RALGAPA2: variants seen among roughly 807,000 people sequenced by gnomAD.
RALGAPA2 encodes the protein ral GTPase-activating protein subunit alpha-2.
Under a neutral mutation model 230.4 loss-of-function variants are expected in RALGAPA2, and 139 were observed. The ratio of observed to expected loss-of-function variants is 0.60; its 90% CI spans 0.53 to 0.69. The LOEUF is 0.69. Among genes scored for constraint, RALGAPA2 ranks in the 30% least tolerant of loss-of-function variants. The pLI, the probability that RALGAPA2 is intolerant of heterozygous loss-of-function variation, is 0.00. For synonymous variants in RALGAPA2, 847 were observed against 837.8 expected, an observed-to-expected ratio of 1.01 and a Z score of -0.19; for missense variants, 2,163 against 2,276.0, an observed-to-expected ratio of 0.95 and a Z score of 1.01.
intron 37 of RALGAPA2, among the ~76,000 whole-genome samples, chr20:20,428,030 A>G (rs2060422536): frequency 6.6e-6 from 1 of 152,238 alleles, no homozygotes; most frequent in Non-Finnish European, 1.5e-5. Context: ...TTCTCTCATA[A>G]TAACACATGC....
chr20:20,393,093 A>T lies in RALGAPA2; in HGVS notation c.*196T>A, dbSNP rs763170612. 1 of 1,353,264 alleles carries T rather than the reference A, an allele frequency of 7.4e-7. No individual in the cohort carries two copies. Among genetic ancestry groups the T allele is most frequent in the South Asian group, 1.2e-5 (1 of 85,002 alleles). The allele number at this position is 1,353,264 out of a possible 1,614,324, so 83.8% of individuals were successfully genotyped here. A position where few individuals can be genotyped will look rare whatever the true frequency, so the allele number is the denominator to read the frequency against. ...AGTGGGATTCACCATGGGCTTCAGA[A>T]GTCCACTAATGGGAAGACCTGCTGA... On this transcript the variant is annotated 3_prime_UTR_variant, in exon 40 of 40. Coordinates refer to ENST00000202677, the MANE Select transcript of RALGAPA2 (RefSeq NM_020343.4).
At chr20:20,441,008 A>G (rs2060726112) in intron 37 of RALGAPA2, among the ~76,000 whole-genome samples, 1 of 152,274 alleles carries the variant, frequency 6.6e-6, no homozygotes, top group South Asian at 2.1e-4. Context: ...TGAATAATTT[A>G]TACATGGATC....
chr20:20,570,739 T>G (rs891395651), intron 23 of RALGAPA2, among the ~76,000 whole-genome samples: 1 of 152,218 alleles, frequency 6.6e-6, no homozygotes, highest in Non-Finnish European at 1.5e-5. Flanking sequence ...ATCTTCCAAA[T>G]GCAGTCCAGA....
intron 39 of RALGAPA2, among the ~76,000 whole-genome samples, chr20:20,393,682 G>A (rs935113709): frequency 1.3e-5 from 2 of 152,150 alleles, no homozygotes; most frequent in Admixed American, 1.3e-4. Flanking sequence ...TTTACATATC[G>A]ATATTCTACA....
Position 20,451,064 on chromosome 20 carries a change from C to T in RALGAPA2, c.5495+21765G>A, listed in dbSNP as rs979402247. Among the ~76,000 whole-genome samples, 14 of 152,252 alleles carry T rather than the reference C, an allele frequency of 9.2e-5. No homozygotes were observed. The East Asian group carries it at 9.7e-4, about 11-fold the overall frequency. ...ACTAGAAATCCTCACATATGCCAAA[C>T]GTGGAGAATTTTAAGTGCCTAATAA... is the stretch of plus-strand genomic sequence containing the variant. On this transcript the variant is annotated intron_variant, in intron 37 of 39. Coordinates refer to ENST00000202677, the MANE Select transcript of RALGAPA2 (RefSeq NM_020343.4).
intron 37 of RALGAPA2, among the ~76,000 whole-genome samples, chr20:20,457,181 TAAGA>T (rs1335588584): frequency 2.0e-5 from 3 of 152,158 alleles, no homozygotes; most frequent in Non-Finnish European, 2.9e-5. Context: ...TGAGCTGTAC[TAAGA>T]AAGAGAAGGA....
intron 38 of RALGAPA2, among the ~76,000 whole-genome samples, chr20:20,409,897 A>T (rs2060025299): frequency 6.6e-6 from 1 of 152,216 alleles, no homozygotes; most frequent in African/African-American, 2.4e-5. Context: ...TTATGCCTAG[A>T]CTTAAAAATC....
intron 36 of RALGAPA2, among the ~76,000 whole-genome samples, chr20:20,478,805 T>C (rs1187600890): frequency 1.1e-4 from 17 of 151,744 alleles, no homozygotes; most frequent in Admixed American, 1.1e-3. Context: ...AACCTCAGCA[T>C]CATGCAATAT....
chr20:20,587,322 A>G (rs887755070), intron 18 of RALGAPA2, among the ~76,000 whole-genome samples: 1 of 152,108 alleles, frequency 6.6e-6, no homozygotes, highest in African/African-American at 2.4e-5. Flanking sequence ...TCCGAAAGAT[A>G]AAGTAACCAA....
intron 31 of RALGAPA2, among the ~76,000 whole-genome samples, chr20:20,516,956 T>C (rs1273605036): frequency 6.6e-6 from 1 of 152,150 alleles, no homozygotes; most frequent in Non-Finnish European, 1.5e-5. Context: ...CAGTGCTGGG[T>C]GCAACAGGGA....
At chr20:20,608,876 A>C (rs2065899863) in intron 14 of RALGAPA2, among the ~76,000 whole-genome samples, 1 of 152,268 alleles carries the variant, frequency 6.6e-6, no homozygotes, top group Non-Finnish European at 1.5e-5. Context: ...GAAGACACTC[A>C]GAAAGCTAAA....
intron 20 of RALGAPA2, among the ~76,000 whole-genome samples, chr20:20,579,112 G>C (rs1006586724): frequency 8.5e-5 from 13 of 152,128 alleles, no homozygotes; most frequent in African/African-American, 2.9e-4. Context: ...ATAATTAAAA[G>C]CAGAAGTGGC....
intron 35 of RALGAPA2, among the ~76,000 whole-genome samples, chr20:20,501,632 T>C (rs1317402909): frequency 6.6e-6 from 1 of 152,276 alleles, no homozygotes; most frequent in Non-Finnish European, 1.5e-5. Context: ...ATTCATGTGT[T>C]CACTGGAGTA....
At chr20:20,495,378 T>G (rs1201616475) in intron 35 of RALGAPA2, 103 bp from the exon 36 acceptor site, 7 of 998,310 alleles carry the variant, frequency 7.0e-6, no homozygotes, top group African/African-American at 4.9e-5. Context: ...CCAAAAAAAT[T>G]TCACTACCAA....
chr20:20,619,205 A>T, intron 12 of RALGAPA2, 72 bp downstream of exon 12: 2 of 1,398,662 alleles, frequency 1.4e-6, no homozygotes, highest in South Asian at 1.9e-5. Flanking sequence ...CATTATCCCC[A>T]ATAAACAAAA....
intron 1 of RALGAPA2, among the ~76,000 whole-genome samples, chr20:20,693,125 A>G (rs2068976820): frequency 1.3e-5 from 2 of 152,346 alleles, no homozygotes; most frequent in South Asian, 2.1e-4. Flanking sequence ...TCAAATTCTT[A>G]GAAATCAGAT....
intron 37 of RALGAPA2, chr20:20,472,153 A>G (rs538777787): frequency 6.6e-6 from 1 of 152,332 alleles, no homozygotes; most frequent in African/African-American, 2.4e-5. Context: ...CAGCAGGCCA[A>G]TTAATGTTTG....
At chr20:20,524,612 G>C in intron 29 of RALGAPA2, 69 bp from the exon 30 acceptor site, 1 of 1,578,120 alleles carries the variant, frequency 6.3e-7, no homozygotes, top group Admixed American at 1.7e-5. Flanking sequence ...AATAATAAGA[G>C]AATTATCCCT....
intron 38 of RALGAPA2, among the ~76,000 whole-genome samples, chr20:20,407,182 T>C (rs907499742): frequency 6.6e-6 from 1 of 152,206 alleles, no homozygotes; most frequent in African/African-American, 2.4e-5. Context: ...TCCCTTCTAG[T>C]TCAACATTCT....
Sources: gnomAD v4.1 joint callset for allele counts (sites outside exome capture counted in the v4.1 genomes callset) on GRCh38, gnomAD v4.1.1 for gene constraint, MANE v1.5 for transcripts, NCBI Gene and HGNC (gene_info 2026-07-23, HGNC 2026-07-21) for gene names.